AMMECR1L: variants seen among roughly 807,000 people sequenced by gnomAD.
The protein encoded by AMMECR1L is AMMECR1 like, also known as AMMECR1-like protein.
In AMMECR1L, 4 loss-of-function variants were observed where a neutral mutation model predicts 36.8. The ratio of observed to expected loss-of-function variants is 0.11; its 90% CI spans 0.05 to 0.25. AMMECR1L has a LOEUF of 0.25. Ranked by LOEUF, AMMECR1L falls within the 10% of genes least tolerant of loss-of-function variation. The pLI, the probability that AMMECR1L is intolerant of heterozygous loss-of-function variation, is 1.00. For synonymous variants in AMMECR1L, 147 were observed against 148.0 expected (o/e 0.99, Z 0.05); for missense variants, 232 against 392.1 (o/e 0.59, Z 3.45).
Position 127,873,814 on chromosome 2 carries a change from CAT to C in AMMECR1L, c.407+12_407+13del. On this transcript the variant is annotated intron_variant, in intron 3 of 7. Transcript: ENST00000272647. This position sits in a 1 kb window ranked among gnomAD's most constrained non-coding sequence, Gnocchi z 5.2. ...CATGCCTTCCTCAGTGCCCCCAGCA[CAT>C]GATTTACTCACTAGGGGTCATTGGT... The C allele has an allele frequency of 6.2e-7, 1 of 1,613,728 alleles. No individual in the cohort carries two copies. The highest frequency in any genetic ancestry group is 8.5e-7 in the Non-Finnish European group (1 of 1,180,016).
In AMMECR1L at chr2:127,885,640, G is replaced by C. The variant is rs1474572098; in HGVS notation, c.-149+170C>G. The C allele has an allele frequency of 9.1e-6, 9 of 984,150 alleles. No homozygotes were observed. The East Asian group carries it at 1.0e-3, about 112-fold the overall frequency. The allele number at this position is 984,150 out of a possible 1,614,324, so 61.0% of individuals were successfully genotyped here. A position where few individuals can be genotyped will look rare whatever the true frequency, so the allele number is the denominator to read the frequency against. On this transcript the variant is annotated intron_variant, in intron 1 of 7. Coordinates refer to ENST00000272647, the MANE Select transcript of AMMECR1L (RefSeq NM_001199140.2). ...GCCTGAGGCCCCGCCCGCCGCCCGG[G>C]ACTCCTCCCCCCCGCTGCCCCCGGA...
intron 1 of AMMECR1L, chr2:127,885,603 C>T: frequency 2.0e-6 from 2 of 980,566 alleles, no homozygotes; most frequent in Non-Finnish European, 1.2e-6. Context: ...CCCTGCCCTC[C>T]GCTGGGACAT....
intron 2 of AMMECR1L, among the ~76,000 whole-genome samples, chr2:127,882,484 T>C (rs1691548764): frequency 6.6e-6 from 1 of 152,234 alleles, no homozygotes. Flanking sequence ...ACATACATTC[T>C]GGTAACCATA....
Position 127,870,312 on chromosome 2 carries a change from C to CAA in AMMECR1L, c.633+500_633+501dup, listed in dbSNP as rs552288496. 2.7e-3 allele frequency among the ~76,000 whole-genome samples: 352 copies of CAA among 131,058 alleles called. 1 individual carries two copies. Among genetic ancestry groups the CAA allele is most frequent in the Non-Finnish European group, 3.5e-3 (214 of 60,672 alleles). The allele number at this position is 131,058 out of a possible 152,430, so 86.0% of individuals were successfully genotyped here. A position where few individuals can be genotyped will look rare whatever the true frequency, so the allele number is the denominator to read the frequency against. On this transcript the variant is annotated intron_variant, in intron 5 of 7. Transcript: ENST00000272647. Reference sequence around the variant, plus strand: ...CTGGCGACAGAGCGAGACTCTGTCTCAAAAAAAAAAAAAATAGCTGGGCAT... The same window carrying CAA: ...CTGGCGACAGAGCGAGACTCTGTCTCAAAAAAAAAAAAAAAATAGCTGGGCAT...
At chr2:127,870,969 T>C in intron 4 of AMMECR1L, 41 bp from the exon 5 acceptor site, 2 of 1,487,348 alleles carry the variant, frequency 1.3e-6, no homozygotes, top group South Asian at 2.4e-5. Flanking sequence ...TGCTCTGGAG[T>C]CAGGAGCCAA....
In AMMECR1L at chr2:127,874,830, C is replaced by T. The variant is rs1276961187; in HGVS notation, c.-38-558G>A. Reference sequence around the variant, plus strand: ...GGCTGTCACTCTGAAGAGGGCACATCTTCTAACACAAGGCTCCCACCTTTC... The same window carrying T: ...GGCTGTCACTCTGAAGAGGGCACATTTTCTAACACAAGGCTCCCACCTTTC... On this transcript the variant is annotated intron_variant, in intron 2 of 7. Coordinates refer to ENST00000272647, the MANE Select transcript of AMMECR1L (RefSeq NM_001199140.2). The surrounding 1 kb of genome is among the most constrained non-coding windows in gnomAD (Gnocchi z 5.2). Among the ~76,000 whole-genome samples the T allele has an allele frequency of 6.6e-6, 1 of 152,212 alleles. No homozygotes were observed. Among genetic ancestry groups the T allele is most frequent in the Non-Finnish European group, 1.5e-5 (1 of 68,044 alleles).
Position 127,871,063 on chromosome 2 carries a change from A to C in AMMECR1L, c.519-135T>G. On this transcript the variant is annotated intron_variant, in intron 4 of 7. Coordinates refer to ENST00000272647, the MANE Select transcript of AMMECR1L (RefSeq NM_001199140.2). The surrounding 1 kb of genome is among the most constrained non-coding windows in gnomAD (Gnocchi z 4.3). Reference sequence around the variant, plus strand: ...TTGTTCATCAACACTAACATGTTAAAAACAACTCGATGCTATTAACTGTCT... The same window carrying C: ...TTGTTCATCAACACTAACATGTTAACAACAACTCGATGCTATTAACTGTCT... 1.1e-6 allele frequency: 1 copy of C among 909,126 alleles called. No homozygotes were observed. The highest frequency in any genetic ancestry group is 1.7e-5 in the South Asian group (1 of 58,358). The allele number at this position is 909,126 out of a possible 1,614,324, so 56.3% of individuals were successfully genotyped here.
chr2:127,881,468 T>C (rs1691499585), intron 2 of AMMECR1L, among the ~76,000 whole-genome samples: 1 of 152,014 alleles, frequency 6.6e-6, no homozygotes, highest in South Asian at 2.1e-4. Context: ...AGCTCCCCTC[T>C]TCAGGGGACA....
chr2:127,877,151 G>A (rs11676016), intron 2 of AMMECR1L, among the ~76,000 whole-genome samples: 1 of 151,262 alleles, frequency 6.6e-6, no homozygotes. Context: ...CTGTTCTCTA[G>A]GAGGGCAACT....
intron 7 of AMMECR1L, among the ~76,000 whole-genome samples, chr2:127,866,209 G>A (rs1477611963): frequency 6.6e-6 from 1 of 152,176 alleles, no homozygotes; most frequent in African/African-American, 2.4e-5. Flanking sequence ...GATTTCAATA[G>A]GGATGAGAAG....
At chr2:127,885,148 C>A (rs1691699508) in intron 1 of AMMECR1L, 16 of 984,356 alleles carry the variant, frequency 1.6e-5, no homozygotes, top group Non-Finnish European at 1.9e-5. Flanking sequence ...GGGGGGCCAG[C>A]GGAGGTTAAG....
At position 127,873,673 on chromosome 2, in the gene AMMECR1L, T is replaced by A; in HGVS notation, c.407+155A>T. ...TCCATTACTGAATCCACTGAATGTT[T>A]TAAATATTCTCTGGACATTTCTTAT... On this transcript the variant is annotated intron_variant, in intron 3 of 7. Transcript: ENST00000272647. This position sits in a 1 kb window ranked among gnomAD's most constrained non-coding sequence, Gnocchi z 5.2. 1 of 985,470 alleles carries A rather than the reference T, an allele frequency of 1.0e-6. No homozygotes were observed. Among genetic ancestry groups the A allele is most frequent in the Non-Finnish European group, 1.2e-6 (1 of 829,940 alleles). 61.0% of individuals were successfully genotyped at this position (985,470 alleles called of 1,614,324 possible). A position where few individuals can be genotyped will look rare whatever the true frequency, so the allele number is the denominator to read the frequency against.
intron 2 of AMMECR1L, among the ~76,000 whole-genome samples, chr2:127,882,272 C>A (rs1220450647): frequency 6.6e-6 from 1 of 152,132 alleles, no homozygotes; most frequent in Non-Finnish European, 1.5e-5. Flanking sequence ...GGGGTCTCTG[C>A]ATTTTCTTCT....
chr2:127,881,375 C>G (rs1175677928), intron 2 of AMMECR1L, among the ~76,000 whole-genome samples: 1 of 147,146 alleles, frequency 6.8e-6, no homozygotes, highest in Non-Finnish European at 1.5e-5. Flanking sequence ...TCTGGCTGGG[C>G]AAAAGGACCT....
chr2:127,875,648 G>A (rs7608170), intron 2 of AMMECR1L, among the ~76,000 whole-genome samples: 38,993 of 152,018 alleles, frequency 0.26, 5,589 homozygotes, highest in South Asian at 0.47. Context: ...CATATATGCT[G>A]ATCCATAACA....
At chr2:127,866,185 C>T (rs1260230915) in intron 7 of AMMECR1L, among the ~76,000 whole-genome samples, 1 of 152,222 alleles carries the variant, frequency 6.6e-6, no homozygotes, top group East Asian at 1.9e-4. Flanking sequence ...GAAGCTAAAC[C>T]TCTCAGTGTT....
chr2:127,866,857 C>T lies in AMMECR1L; in HGVS notation c.821+43G>A, dbSNP rs747122147. 7 of 1,562,726 alleles carry T rather than the reference C, an allele frequency of 4.5e-6. No individual in the cohort carries two copies. The East Asian group carries it at 6.7e-5, about 15-fold the overall frequency. On this transcript the variant is annotated intron_variant, in intron 7 of 7. Transcript: ENST00000272647. ...CATCAAAATTATCCTCCATTCAACC[C>T]CAACTAAATTGAAATGATAAGGAAA...
rs1256914523 is a variant in AMMECR1L at position 127,869,801 on chromosome 2, C to G, written c.634-257G>C. ...GGAGAAATGCATTCTTTAAGTAATTCATCCAGGAATTGTGAATATGTTCCT... is the reference window on the plus strand; with the variant it reads ...GGAGAAATGCATTCTTTAAGTAATTGATCCAGGAATTGTGAATATGTTCCT... On this transcript the variant is annotated intron_variant, in intron 5 of 7. Transcript: ENST00000272647. The surrounding 1 kb of genome is among the most constrained non-coding windows in gnomAD (Gnocchi z 4.7). 6.6e-6 allele frequency among the ~76,000 whole-genome samples: 1 copy of G among 152,216 alleles called. No individual in the cohort carries two copies. Among genetic ancestry groups the G allele is most frequent in the Non-Finnish European group, 1.5e-5 (1 of 68,036 alleles).
In AMMECR1L at chr2:127,866,884, C is replaced by T. The variant is rs768992838; in HGVS notation, c.821+16G>A. 5 of 1,610,452 alleles carry T rather than the reference C, an allele frequency of 3.1e-6. No individual in the cohort carries two copies. In the South Asian group the frequency reaches 4.4e-5, roughly 14 times the overall value. On this transcript the variant is annotated intron_variant, in intron 7 of 7. Transcript: ENST00000272647. Reference sequence around the variant, plus strand: ...AACTAAATTGAAATGATAAGGAAAACAAGACAATGGCTTACCTGGTGAGTT... The same window carrying T: ...AACTAAATTGAAATGATAAGGAAAATAAGACAATGGCTTACCTGGTGAGTT...
Sources: gnomAD v4.1 joint callset for allele counts (sites outside exome capture counted in the v4.1 genomes callset) on GRCh38, gnomAD v4.1.1 for gene constraint, Gnocchi (gnomAD v3.1) non-coding constraint, MANE v1.5 for transcripts, NCBI Gene and HGNC (gene_info 2026-07-23, HGNC 2026-07-21) for gene names.